Variants in HECW2 observed in about 807,000 individuals in gnomAD.
The protein encoded by HECW2 is HECT, C2 and WW domain containing E3 ubiquitin protein ligase 2.
HECW2 carries 61 observed loss-of-function variants against 175.2 expected under a neutral mutation model. The ratio of observed to expected loss-of-function variants is 0.35; its 90% CI spans 0.28 to 0.43. The LOEUF (loss-of-function observed/expected upper bound fraction) is 0.43. HECW2 is among the 20% of genes least tolerant of loss of function. The pLI is 1.00. For synonymous variants in HECW2, 671 were observed against 731.0 expected (o/e 0.92, Z 1.32); for missense variants, 1,524 against 2,000.5 (o/e 0.76, Z 4.54).
chr2:196,223,257 A>T, intron 23 of HECW2, among the ~76,000 whole-genome samples: 1 of 152,210 alleles, frequency 6.6e-6, no homozygotes, highest in East Asian at 1.9e-4. Flanking sequence ...AAATTCATGT[A>T]CTTTTAAAAT....
intron 2 of HECW2, among the ~76,000 whole-genome samples, chr2:196,394,518 A>AC (rs1694606538): frequency 6.6e-5 from 10 of 151,988 alleles, no homozygotes; most frequent in South Asian, 6.2e-4. Flanking sequence ...GTCAATAAAC[A>AC]TCCCCCCTTT....
At chr2:196,523,320 G>A (rs1285086711) in intron 1 of HECW2, among the ~76,000 whole-genome samples, 1 of 151,286 alleles carries the variant, frequency 6.6e-6, no homozygotes, top group Non-Finnish European at 1.5e-5. Flanking sequence ...TTTGTACATT[G>A]ATTTTGTATC....
intron 1 of HECW2, among the ~76,000 whole-genome samples, chr2:196,479,743 C>T (rs1686781546): frequency 6.6e-6 from 1 of 152,128 alleles, no homozygotes; most frequent in Non-Finnish European, 1.5e-5. Flanking sequence ...GAACCCTGAC[C>T]CAAGAGCTCT....
chr2:196,494,850 T>C (rs1373680011), intron 1 of HECW2, among the ~76,000 whole-genome samples: 1 of 152,164 alleles, frequency 6.6e-6, no homozygotes, highest in Non-Finnish European at 1.5e-5. Flanking sequence ...CTGTACATGG[T>C]GAAAAGAGCT....
Position 196,433,420 on chromosome 2 carries a change from C to T in HECW2, c.4G>A (p.Ala2Thr). Reference sequence around the variant, plus strand: ...AGCAGGTGCTCCCGGGCTGAACTAGCCATCCCGTCTGCTTCTCTGGGATTG... The same window carrying T: ...AGCAGGTGCTCCCGGGCTGAACTAGTCATCCCGTCTGCTTCTCTGGGATTG... M[A>T]SSAREHLLFV... Residue 2 changes from alanine (A) to threonine (T), a missense_variant, in exon 2 of 29, where the codon GCT becomes ACT. Ala to Thr is a moderately conservative substitution (Grantham distance 58). Around this residue, in one of 11 missense-constraint regions of HECW2, gnomAD observed 135 missense variants for 214.6 expected, o/e 0.63. Transcript: ENST00000644978. 3 of 1,612,254 alleles carry T rather than the reference C, an allele frequency of 1.9e-6. No homozygotes were observed. The highest frequency in any genetic ancestry group is 2.5e-6 in the Non-Finnish European group (3 of 1,178,926).
At chr2:196,278,817 A>G in intron 14 of HECW2, 155 bp from the exon 15 acceptor site, 1 of 780,002 alleles carries the variant, frequency 1.3e-6, no homozygotes, top group Non-Finnish European at 2.1e-6. Context: ...CCTTACCCAC[A>G]CAGGACAGAT....
At chr2:196,362,441 T>C (rs1467112448) in intron 2 of HECW2, among the ~76,000 whole-genome samples, 1 of 151,548 alleles carries the variant, frequency 6.6e-6, no homozygotes, top group Non-Finnish European at 1.5e-5. Context: ...TGCTATTTGA[T>C]TTACTCAGAA....
At chr2:196,216,472 G>A (rs1394077139) in intron 27 of HECW2, among the ~76,000 whole-genome samples, 1 of 151,436 alleles carries the variant, frequency 6.6e-6, no homozygotes, top group African/African-American at 2.4e-5. Context: ...CTTGTGTCTG[G>A]TATTTCTATA....
intron 1 of HECW2, among the ~76,000 whole-genome samples, chr2:196,559,352 T>C (rs1325767558): frequency 6.6e-5 from 10 of 152,206 alleles, no homozygotes; most frequent in Non-Finnish European, 2.9e-5. Flanking sequence ...TGGGGATGTC[T>C]CAGCTAAAGG....
At chr2:196,337,131 G>A (rs1247616429) in intron 3 of HECW2, among the ~76,000 whole-genome samples, 1 of 152,098 alleles carries the variant, frequency 6.6e-6, no homozygotes, top group Non-Finnish European at 1.5e-5. Context: ...TTAAAATGGT[G>A]TAACTAAGCA....
rs1575212277 is a variant in HECW2 at position 196,202,718 on chromosome 2, G to A, written c.4608-1330C>T. ...ATAATAAAGGGATAATAAAGCAGGT[G>A]TGTGGCCACATGGCTTATTAAAAAC... On this transcript the variant is annotated intron_variant, in intron 28 of 28. Coordinates refer to ENST00000644978, the MANE Select transcript of HECW2 (RefSeq NM_001348768.2). Among the ~76,000 whole-genome samples, 3 of 152,184 alleles carry A rather than the reference G, an allele frequency of 2.0e-5. 1 individual carries two copies. The South Asian group carries it at 6.2e-4, about 31-fold the overall frequency.
Position 196,481,170 on chromosome 2 carries a change from GC to G in HECW2, c.-35-47713del, listed in dbSNP as rs771019622. 5.3e-5 allele frequency among the ~76,000 whole-genome samples: 8 copies of G among 152,334 alleles called. No homozygotes were observed. In the South Asian group the frequency reaches 1.7e-3, roughly 32 times the overall value. ...TTAAGTACTAGTGGCATATGGTAAAGCAGGTGTTTGGCAGCCAATGTTTTTT... is the reference window on the plus strand; with the variant it reads ...TTAAGTACTAGTGGCATATGGTAAAGAGGTGTTTGGCAGCCAATGTTTTTT... On this transcript the variant is annotated intron_variant, in intron 1 of 28. Transcript: ENST00000644978.
intron 3 of HECW2, among the ~76,000 whole-genome samples, chr2:196,338,304 A>G (rs1289504852): frequency 2.0e-5 from 3 of 152,214 alleles, no homozygotes; most frequent in African/African-American, 7.2e-5. Flanking sequence ...TTTGTATATG[A>G]ATAAAATATT....
intron 28 of HECW2, among the ~76,000 whole-genome samples, chr2:196,213,951 G>C (rs1446982981): frequency 1.3e-5 from 2 of 152,192 alleles, no homozygotes; most frequent in Non-Finnish European, 2.9e-5. Context: ...TGGTGGCAGA[G>C]GTGGGACTAG....
intron 17 of HECW2, chr2:196,259,917 G>A (rs746481523): frequency 3.9e-5 from 6 of 152,156 alleles, no homozygotes; most frequent in Non-Finnish European, 8.8e-5. Context: ...CCACAAATAT[G>A]CAGCTTATCT....
chr2:196,357,909 C>T (rs1423373494), intron 2 of HECW2, among the ~76,000 whole-genome samples: 1 of 152,210 alleles, frequency 6.6e-6, no homozygotes, highest in African/African-American at 2.4e-5. Context: ...AATTAAATCT[C>T]TTTTGTGTAT....
chr2:196,402,027 T>C (rs956852521), intron 2 of HECW2, among the ~76,000 whole-genome samples: 67 of 151,684 alleles, frequency 4.4e-4, no homozygotes, highest in Admixed American at 3.7e-3. Flanking sequence ...GGTGAAACCG[T>C]GTCTCTACTA....
chr2:196,530,689 T>C (rs1326921008), intron 1 of HECW2, among the ~76,000 whole-genome samples: 1 of 152,222 alleles, frequency 6.6e-6, no homozygotes, highest in Admixed American at 6.5e-5. Flanking sequence ...CAACTAAATA[T>C]AACAATTCAA....
chr2:196,444,234 C>T (rs932695766), intron 1 of HECW2, among the ~76,000 whole-genome samples: 4 of 152,132 alleles, frequency 2.6e-5, no homozygotes, highest in Admixed American at 2.6e-4. Flanking sequence ...AAGTGAAATT[C>T]AAATATTTAA....
Sources: gnomAD v4.1 joint callset for allele counts (sites outside exome capture counted in the v4.1 genomes callset) on GRCh38, gnomAD v4.1.1 for gene constraint, gnomAD v4.1.1 regional missense constraint, MANE v1.5 for transcripts, NCBI Gene and HGNC (gene_info 2026-07-23, HGNC 2026-07-21) for gene names.